PLD5: variants seen among roughly 807,000 people sequenced by gnomAD.
PLD5 encodes phospholipase D family member 5, also known as inactive phospholipase D5.
PLD5 carries 36 observed loss-of-function variants against 61.1 expected under a neutral mutation model. That is an observed-to-expected ratio of 0.59 (90% CI 0.45 to 0.78). The LOEUF (loss-of-function observed/expected upper bound fraction) is 0.78, where lower values mean the gene tolerates loss of function less well. Among genes scored for constraint, PLD5 ranks in the 30% least tolerant of loss-of-function variants. The pLI is 0.00. For missense variants in PLD5, 515 were observed against 644.4 expected, an observed-to-expected ratio of 0.80 and a Z score of 2.17; for synonymous variants, 243 against 242.8, an observed-to-expected ratio of 1.00 and a Z score of -0.01.
chr1:242,386,268 G>A (rs755093375), intron 1 of PLD5, among the ~76,000 whole-genome samples: 1 of 152,084 alleles, frequency 6.6e-6, no homozygotes, highest in South Asian at 2.1e-4. Context: ...TTTTTGACAG[G>A]GGACACAACT....
intron 5 of PLD5, among the ~76,000 whole-genome samples, chr1:242,164,256 C>A (rs1666133986): frequency 1.3e-5 from 2 of 152,070 alleles, no homozygotes; most frequent in Non-Finnish European, 1.5e-5. Flanking sequence ...CTTCCTCAAC[C>A]CCACTGGATG....
chr1:242,494,654 G>A (rs1433596708), intron 1 of PLD5, among the ~76,000 whole-genome samples: 1 of 152,106 alleles, frequency 6.6e-6, no homozygotes, highest in African/African-American at 2.4e-5. Context: ...TTTATTTTAT[G>A]TTCCAAAATG....
At chr1:242,481,582 C>T (rs1397972433) in intron 1 of PLD5, among the ~76,000 whole-genome samples, 3 of 152,196 alleles carry the variant, frequency 2.0e-5, no homozygotes, top group Non-Finnish European at 4.4e-5. Flanking sequence ...TGGGTGGAGC[C>T]CACCACAGCT....
rs1357078634 is a variant in PLD5, at chr1:242,086,424, CTTG to C, written c.*3427_*3429del. On this transcript the variant is annotated 3_prime_UTR_variant, in exon 10 of 10. Transcript: ENST00000536534. The stretch of plus-strand genomic sequence containing the variant: ...TTCTATCAGGTTCAGGTACCTAAAG[CTTG>C]TTGTTTACAAAGCATGGATGTCATC... 3 of 152,144 alleles carry C rather than the reference CTTG, an allele frequency of 2.0e-5. No homozygotes were observed. The highest frequency in any genetic ancestry group is 4.8e-5 in the African/African-American group (2 of 41,438). The allele number at this position is 152,144 out of a possible 1,614,324, so 9.4% of individuals were successfully genotyped here. A position where few individuals can be genotyped will look rare whatever the true frequency, so the allele number is the denominator to read the frequency against.
At chr1:242,405,829 T>C (rs1328473175) in intron 1 of PLD5, among the ~76,000 whole-genome samples, 1 of 152,080 alleles carries the variant, frequency 6.6e-6, no homozygotes, top group African/African-American at 2.4e-5. Flanking sequence ...CTCAAACTCC[T>C]GACCTCAGGT....
chr1:242,368,659 G>A (rs1334421235), intron 1 of PLD5, among the ~76,000 whole-genome samples: 2 of 152,146 alleles, frequency 1.3e-5, no homozygotes, highest in Admixed American at 6.5e-5. Flanking sequence ...TTCTCTGCCT[G>A]AGCTTCTCCA....
intron 2 of PLD5, among the ~76,000 whole-genome samples, chr1:242,296,231 C>T (rs1675648828): frequency 6.6e-6 from 1 of 152,272 alleles, no homozygotes; most frequent in East Asian, 1.9e-4. Flanking sequence ...GTACTTTGAC[C>T]ACTTTTTTCT....
chr1:242,455,983 G>A (rs1404413930), intron 1 of PLD5, among the ~76,000 whole-genome samples: 1 of 152,228 alleles, frequency 6.6e-6, no homozygotes, highest in Non-Finnish European at 1.5e-5. Flanking sequence ...AGGAGTCCAG[G>A]AATTCTAAAT....
At chr1:242,494,410 G>A (rs1466692619) in intron 1 of PLD5, among the ~76,000 whole-genome samples, 2 of 152,062 alleles carry the variant, frequency 1.3e-5, no homozygotes, top group Non-Finnish European at 2.9e-5. Context: ...TAAGCTGATG[G>A]TTTATCCCAG....
Position 242,083,048 on chromosome 1 carries a change from C to T in PLD5, c.*6806G>A, listed in dbSNP as rs1177060409. 6.6e-6 allele frequency: 1 copy of T among 151,770 alleles called. No individual in the cohort carries two copies. The highest frequency in any genetic ancestry group is 1.9e-4 in the East Asian group (1 of 5,174). 9.4% of individuals were successfully genotyped at this position (151,770 alleles called of 1,614,324 possible). A position where few individuals can be genotyped will look rare whatever the true frequency, so the allele number is the denominator to read the frequency against. The stretch of plus-strand genomic sequence containing the variant: ...AAAGGAAGAAAAAAAAAAAGCAACC[C>T]AGGAACTACAAAGTCCAGACTCATT... On this transcript the variant is annotated 3_prime_UTR_variant, in exon 10 of 10. Transcript: ENST00000536534.
intron 1 of PLD5, among the ~76,000 whole-genome samples, chr1:242,471,138 G>A (rs1667438340): frequency 6.6e-6 from 1 of 152,128 alleles, no homozygotes; most frequent in South Asian, 2.1e-4. Flanking sequence ...CTTCCCAGGG[G>A]GGCTATGTCA....
At chr1:242,350,056 A>C (rs188620601) in intron 1 of PLD5, among the ~76,000 whole-genome samples, 15 of 151,916 alleles carry the variant, frequency 9.9e-5, no homozygotes, top group Admixed American at 9.8e-4. Flanking sequence ...CTCTAAAAGA[A>C]AAAAAAAGGC....
chr1:242,219,862 TA>T, intron 5 of PLD5, 125 bp downstream of exon 5: 1 of 1,244,010 alleles, frequency 8.0e-7, no homozygotes, highest in South Asian at 2.1e-5. Flanking sequence ...ATGAGCCTCT[TA>T]AAACTACAGT....
chr1:242,100,858 A>T, intron 8 of PLD5, 76 bp from the exon 9 acceptor site: 1 of 956,364 alleles, frequency 1.0e-6, no homozygotes, highest in Non-Finnish European at 1.6e-6. Flanking sequence ...AAAAGAATGC[A>T]TTATCCAAAT....
intron 2 of PLD5, among the ~76,000 whole-genome samples, chr1:242,325,816 T>C (rs1658738300): frequency 1.3e-5 from 2 of 152,210 alleles, no homozygotes; most frequent in African/African-American, 4.8e-5. Context: ...TGGGAAGCTC[T>C]TCTTAAATTA....
chr1:242,319,071 T>C (rs1276088458), intron 2 of PLD5, among the ~76,000 whole-genome samples: 1 of 152,134 alleles, frequency 6.6e-6, no homozygotes, highest in Non-Finnish European at 1.5e-5. Flanking sequence ...TCCTCGAACA[T>C]GGGGGCTTCC....
At chr1:242,466,584 T>C (rs1433093518) in intron 1 of PLD5, among the ~76,000 whole-genome samples, 2 of 152,190 alleles carry the variant, frequency 1.3e-5, no homozygotes, top group African/African-American at 4.8e-5. Flanking sequence ...AAACGCTGCA[T>C]GCTCTTACTT....
chr1:242,400,799 C>CA (rs1263715089), intron 1 of PLD5, among the ~76,000 whole-genome samples: 4 of 151,844 alleles, frequency 2.6e-5, no homozygotes, highest in Non-Finnish European at 4.4e-5. Flanking sequence ...GCACATGGGA[C>CA]AAAAAATGGA....
At chr1:242,177,121 T>C (rs1022344359) in intron 5 of PLD5, among the ~76,000 whole-genome samples, 6 of 152,200 alleles carry the variant, frequency 3.9e-5, no homozygotes, top group African/African-American at 1.2e-4. Flanking sequence ...AAGACACATG[T>C]ACACATATGT....
Sources: allele counts gnomAD v4.1 joint callset (sites outside exome capture counted in the v4.1 genomes callset), GRCh38; gene constraint gnomAD v4.1.1; transcripts MANE v1.5; gene names NCBI Gene and HGNC (gene_info 2026-07-23, HGNC 2026-07-21).